The following ARSA variants were observed in gnomAD, a reference collection of about 807,000 sequenced individuals.
ARSA encodes cerebroside-sulfatase.
In ARSA, 32 loss-of-function variants were observed where a neutral mutation model predicts 37.8. The observed-to-expected ratio is 0.85, with a 90% CI of 0.64 to 1.14. The LOEUF is 1.14. ARSA is among the 50% of genes most tolerant of loss of function. The probability of loss-of-function intolerance (pLI) is 0.00; values close to 1 mark genes in which losing one functional copy is unlikely to be tolerated. For missense variants in ARSA, 685 were observed against 686.3 expected, an observed-to-expected ratio of 1.00 and a Z score of 0.02; for synonymous variants, 303 against 303.4, an observed-to-expected ratio of 1.00 and a Z score of 0.01.
Position 50,624,072 on chromosome 22 carries a change from C to T in ARSA, c.*1073G>A, listed in dbSNP as rs185955658. 1.3e-5 allele frequency among the ~76,000 whole-genome samples: 2 copies of T among 152,120 alleles called. No individual in the cohort carries two copies. Among genetic ancestry groups the T allele is most frequent in the East Asian group, 3.9e-4 (2 of 5,154 alleles). On this transcript the variant is annotated 3_prime_UTR_variant, in exon 8 of 8. Coordinates refer to ENST00000216124, the MANE Select transcript of ARSA (RefSeq NM_000487.6). ...GAGTGAATCGCCGTGTGCAGCCTAACAGATTTTTTGTTTTTTGAGACAGAG... is the reference window on the plus strand; with the variant it reads ...GAGTGAATCGCCGTGTGCAGCCTAATAGATTTTTTGTTTTTTGAGACAGAG...
chr22:50,624,095 G>C lies in ARSA; in HGVS notation c.*1050C>G, dbSNP rs1248508777. Among the ~76,000 whole-genome samples, 1 of 151,812 alleles carries C rather than the reference G, an allele frequency of 6.6e-6. No individual in the cohort carries two copies. The highest frequency in any genetic ancestry group is 2.0e-4 in the East Asian group (1 of 5,126). ...AACAGATTTTTTGTTTTTTGAGACA[G>C]AGTTTTTCTCTTGTTGCCCAGGCTG... On this transcript the variant is annotated 3_prime_UTR_variant, in exon 8 of 8. Coordinates refer to ENST00000216124, the MANE Select transcript of ARSA (RefSeq NM_000487.6).
rs372937480 is a variant in ARSA at position 50,627,410 on chromosome 22, C to T, written c.225-4G>A. On this transcript the variant is annotated splice_region_variant and splice_polypyrimidine_tract_variant and intron_variant, in intron 1 of 7. Coordinates refer to ENST00000216124, the MANE Select transcript of ARSA (RefSeq NM_000487.6). ...CCGGCCGGTCAGGAGGGCGGCCCTG[C>T]GGGACAAGTCACAGAGTCCCTGAGA... is the stretch of plus-strand genomic sequence containing the variant. 85 of 1,607,532 alleles carry T rather than the reference C, an allele frequency of 5.3e-5. No homozygotes were observed. The highest frequency in any genetic ancestry group is 6.5e-5 in the Non-Finnish European group (77 of 1,179,164).
At chr22:50,626,458 G>A in intron 4 of ARSA, 133 bp downstream of exon 4, 1 of 1,496,368 alleles carries the variant, frequency 6.7e-7, no homozygotes, top group East Asian at 2.4e-5. Flanking sequence ...CTACACCTTG[G>A]GCCCCTGCAA....
intron 4 of ARSA, 73 bp from the exon 5 acceptor site, chr22:50,626,351 C>A (rs933583586): frequency 1.3e-6 from 2 of 1,585,688 alleles, no homozygotes; most frequent in Non-Finnish European, 8.5e-7. Context: ...AGTGGCCCCA[C>A]ACCTCTAAGT....
At chr22:50,625,534 G>C in intron 7 of ARSA, 45 bp downstream of exon 7, 1 of 1,610,648 alleles carries the variant, frequency 6.2e-7, no homozygotes, top group Non-Finnish European at 8.5e-7. Context: ...GGGCTCCGGG[G>C]AGGGGTCAGC....
At chr22:50,626,085 G>C in intron 5 of ARSA, 22 bp from the exon 6 acceptor site, 1 of 1,599,416 alleles carries the variant, frequency 6.3e-7, no homozygotes, top group Non-Finnish European at 8.5e-7. Context: ...AGGCTGGTCA[G>C]TCACTCAGTT....
In ARSA at chr22:50,627,790, G is replaced by A. The variant is rs560961769; in HGVS notation, c.-11C>T. On this transcript the variant is annotated 5_prime_UTR_variant, in exon 1 of 8. Transcript: ENST00000216124. ...TGCCCCCATGGACATGGGACCGAGG[G>A]GTCTGTCCCAAGAGAGGGAGGGCTA... 1 of 1,540,116 alleles carries A rather than the reference G, an allele frequency of 6.5e-7. No homozygotes were observed.
Position 50,623,012 on chromosome 22 carries a change from G to A in ARSA, c.*2133C>T, listed in dbSNP as rs1167111230. ...AAGAGGCTGCAACTCCAAGATCAAG[G>A]GACCTTTGCCCAGCACTGAAAAATG... On this transcript the variant is annotated 3_prime_UTR_variant, in exon 8 of 8. Coordinates refer to ENST00000216124, the MANE Select transcript of ARSA (RefSeq NM_000487.6). 6.6e-6 allele frequency: 1 copy of A among 152,214 alleles called. No homozygotes were observed. Among genetic ancestry groups the A allele is most frequent in the Non-Finnish European group, 1.5e-5 (1 of 68,066 alleles). 9.4% of individuals were successfully genotyped at this position (152,214 alleles called of 1,614,324 possible). A position where few individuals can be genotyped will look rare whatever the true frequency, so the allele number is the denominator to read the frequency against.
rs1215397696 is a variant in ARSA at position 50,626,069 on chromosome 22, G to C, written c.980-6C>G. ...GGCCAGCTCGTGGGTCACGCCTGGG[G>C]GCAGGAGGCTGGTCAGTCACTCAGT... On this transcript the variant is annotated splice_polypyrimidine_tract_variant and splice_region_variant and intron_variant, in intron 5 of 7. Coordinates refer to ENST00000216124, the MANE Select transcript of ARSA (RefSeq NM_000487.6). The C allele has an allele frequency of 1.9e-6, 3 of 1,597,286 alleles. No homozygotes were observed. The highest frequency in any genetic ancestry group is 2.6e-6 in the Non-Finnish European group (3 of 1,173,974).
Position 50,626,748 on chromosome 22 carries a change from G to C in ARSA, c.697C>G (p.Pro233Ala), listed in dbSNP as rs74315469. The change falls in exon 4 of 8, where the codon CCT (proline) becomes GCT (alanine). Residue 233 changes from proline (P) to alanine (A), a missense_variant. Transcript: ENST00000216124. ...GCAAAGCTCTGCCCACTGAACTGAG[G>C]GTAGTGGGTGTGCTGGGGGCAAAGA... ...LYYASHHTHY[P>A]QFSGQSFAER... is the part of the protein sequence containing the mutation. 1.2e-6 allele frequency: 2 copies of C among 1,613,152 alleles called. No individual in the cohort carries two copies. The highest frequency in any genetic ancestry group is 2.2e-5 in the South Asian group (2 of 91,074).
At position 50,627,546 on chromosome 22, in the gene ARSA, C is replaced by G. The variant is rs1603445022; in HGVS notation, c.224+10G>C. On this transcript the variant is annotated intron_variant, in intron 1 of 7. Coordinates refer to ENST00000216124, the MANE Select transcript of ARSA (RefSeq NM_000487.6). ...GTCGGGGCGGGGAAGAGGCGCGGCC[C>G]CCTCTTTACCTAGAGGGTGTGCACA... The G allele has an allele frequency of 1.3e-6, 2 of 1,560,134 alleles. No individual in the cohort carries two copies. Among genetic ancestry groups the G allele is most frequent in the Non-Finnish European group, 1.7e-6 (2 of 1,151,832 alleles).
Position 50,625,571 on chromosome 22 carries a change from G to T in ARSA, c.1210+8C>A. 6.2e-7 allele frequency: 1 copy of T among 1,613,050 alleles called. No individual in the cohort carries two copies. On this transcript the variant is annotated splice_region_variant and intron_variant, in intron 7 of 7. Coordinates refer to ENST00000216124, the MANE Select transcript of ARSA (RefSeq NM_000487.6). Reference sequence around the variant, plus strand: ...GGTCGGGGGGAGGGATCCACGGGGAGGGGTTACCCTGGGTGAAGAAGTGAG... The same window carrying T: ...GGTCGGGGGGAGGGATCCACGGGGATGGGTTACCCTGGGTGAAGAAGTGAG...
In ARSA at chr22:50,626,237, A is replaced by G. The variant is rs777557575; in HGVS notation, c.896T>C (p.Leu299Pro). 6.2e-7 allele frequency: 1 copy of G among 1,613,590 alleles called. No homozygotes were observed. Among genetic ancestry groups the G allele is most frequent in the South Asian group, 1.1e-5 (1 of 91,014 alleles). Residue 299 changes from leucine (L) to proline (P), a missense_variant, in exon 5 of 8, where the codon CTC (leucine) becomes CCC (proline). Leu to Pro is a moderately conservative substitution (Grantham distance 98). Coordinates refer to ENST00000216124, the MANE Select transcript of ARSA (RefSeq NM_000487.6). ...GGTCGTTCCCTTTCCACACCGCAAGAGACCGGAGCAGCCGCCTCGGGACAT... is the reference window on the plus strand; with the variant it reads ...GGTCGTTCCCTTTCCACACCGCAAGGGACCGGAGCAGCCGCCTCGGGACAT... ...MRMSRGGCSG[L>P]LRCGKGTTYE...
chr22:50,625,169 G>C lies in ARSA; in HGVS notation c.1506C>G (p.Cys502Trp). 6.3e-7 allele frequency: 1 copy of C among 1,586,212 alleles called. No individual in the cohort carries two copies. Among genetic ancestry groups the C allele is most frequent in the Non-Finnish European group, 8.6e-7 (1 of 1,167,056 alleles). Residue 502 changes from cysteine to tryptophan, a missense_variant, in exon 8 of 8, where the codon TGC becomes TGG. Transcript: ENST00000216124. The stretch of plus-strand genomic sequence containing the variant: ...CTCAGGCATGGGGATCTGGGCAATG[G>C]CAGCAAGCTGGGCGGGGGGTGCAGC... ...HPGCTPRPAC[C>W]HCPDPHA
rs2082639311 is a variant in ARSA at position 50,625,068 on chromosome 22, C to A, written c.*77G>T. On this transcript the variant is annotated 3_prime_UTR_variant, in exon 8 of 8. Coordinates refer to ENST00000216124, the MANE Select transcript of ARSA (RefSeq NM_000487.6). ...GTGTTATTACGTTATCAGGCACAAACCCCCTCCAGACACCTGAGCCTCCCC... is the reference window on the plus strand; with the variant it reads ...GTGTTATTACGTTATCAGGCACAAAACCCCTCCAGACACCTGAGCCTCCCC... 7.0e-7 allele frequency: 1 copy of A among 1,420,484 alleles called. No homozygotes were observed. Among genetic ancestry groups the A allele is most frequent in the Non-Finnish European group, 9.2e-7 (1 of 1,081,826 alleles). The allele number at this position is 1,420,484 out of a possible 1,614,324, so 88.0% of individuals were successfully genotyped here. A position where few individuals can be genotyped will look rare whatever the true frequency, so the allele number is the denominator to read the frequency against.
At chr22:50,626,489 A>C in intron 4 of ARSA, 102 bp downstream of exon 4, 1 of 1,563,102 alleles carries the variant, frequency 6.4e-7, no homozygotes, top group Non-Finnish European at 8.7e-7. Context: ...ATCTCCTGGC[A>C]CCCCCTCACC....
Position 50,627,040 on chromosome 22 carries a change from T to C in ARSA, c.478A>G (p.Asn160Asp). The change falls in exon 3 of 8, where the codon AAC becomes GAC. Residue 160 changes from asparagine to aspartate, a missense_variant. Transcript: ENST00000216124. ...PYSHDQGPCQ[N>D]LTCFPPATPC... Reference sequence around the variant, plus strand: ...GTGGCCGGCGGGAAGCAGGTCAGGTTCTGGCAGGGGCCCTGAGGCGGGCAG... The same window carrying C: ...GTGGCCGGCGGGAAGCAGGTCAGGTCCTGGCAGGGGCCCTGAGGCGGGCAG... 6.2e-7 allele frequency: 1 copy of C among 1,607,696 alleles called. No individual in the cohort carries two copies. Among genetic ancestry groups the C allele is most frequent in the Non-Finnish European group, 8.5e-7 (1 of 1,176,482 alleles).
intron 4 of ARSA, 61 bp from the exon 5 acceptor site, chr22:50,626,339 C>T: frequency 1.3e-6 from 2 of 1,592,270 alleles, no homozygotes; most frequent in South Asian, 1.1e-5. Context: ...CCGAGGGTGA[C>T]CAGTGGCCCC....
At chr22:50,626,330 C>G (rs756922851) in intron 4 of ARSA, 52 bp from the exon 5 acceptor site, 1 of 1,598,192 alleles carries the variant, frequency 6.3e-7, no homozygotes, top group African/African-American at 1.3e-5. Context: ...TCTGAGCCAC[C>G]GAGGGTGACC....
Sources: gnomAD v4.1 joint callset for allele counts (sites outside exome capture counted in the v4.1 genomes callset) on GRCh38, gnomAD v4.1.1 for gene constraint, MANE v1.5 for transcripts, NCBI Gene and HGNC (gene_info 2026-07-23, HGNC 2026-07-21) for gene names.